Variants in MARF1 observed in about 807,000 individuals in gnomAD.
MARF1 encodes meiosis regulator and mRNA stability factor 1.
A neutral mutation model predicts 168.2 loss-of-function variants in MARF1; 24 were observed. The observed-to-expected ratio is 0.14, with a 90% CI of 0.10 to 0.20. MARF1 has a LOEUF of 0.20. Ranked by LOEUF, MARF1 falls within the 10% of genes least tolerant of loss-of-function variation. The pLI is 1.00. For synonymous variants in MARF1, 868 were observed against 822.4 expected (o/e 1.06, Z -0.95); for missense variants, 1,744 against 2,143.6 (o/e 0.81, Z 3.68).
At chr16:15,604,583 G>C (rs1029517016) in intron 21 of MARF1, among the ~76,000 whole-genome samples, 185 bp from the exon 22 acceptor site, 2 of 152,158 alleles carry the variant, frequency 1.3e-5, no homozygotes, top group African/African-American at 4.8e-5. Context: ...GACCAACATG[G>C]AAGCAGAAAC....
rs1461012523 is a variant in MARF1 at position 15,621,918 on chromosome 16, C to T, written c.2461-7G>A. 2.5e-6 allele frequency: 4 copies of T among 1,610,796 alleles called. No individual in the cohort carries two copies. The African/African-American group carries it at 4.0e-5, about 16-fold the overall frequency. Reference sequence around the variant, plus strand: ...TGAGCTCAACACTCTTCACCTACAACAGGAAAAGCGAAAACTAAACGCTAT... The same window carrying T: ...TGAGCTCAACACTCTTCACCTACAATAGGAAAAGCGAAAACTAAACGCTAT... On this transcript the variant is annotated splice_region_variant and splice_polypyrimidine_tract_variant and intron_variant, in intron 11 of 26. Transcript: ENST00000396368.
At chr16:15,623,176 AGATTTT>A (rs775421819) in intron 10 of MARF1, 53 bp from the exon 11 acceptor site, 3 of 1,369,726 alleles carry the variant, frequency 2.2e-6, no homozygotes, top group Non-Finnish European at 2.9e-6. Flanking sequence ...CTGTATATTT[AGATTTT>A]ATCATTTAGG....
intron 15 of MARF1, 72 bp from the exon 16 acceptor site, chr16:15,616,077 C>T: frequency 1.6e-6 from 2 of 1,270,606 alleles, no homozygotes; most frequent in Admixed American, 5.5e-5. Flanking sequence ...GCTTGCTAAA[C>T]AGAAGGCTTT....
intron 25 of MARF1, among the ~76,000 whole-genome samples, chr16:15,599,717 G>C (rs764633853): frequency 6.6e-6 from 1 of 152,172 alleles, no homozygotes; most frequent in South Asian, 2.1e-4. Context: ...CTACAGAGGT[G>C]GATCTATCTG....
intron 26 of MARF1, among the ~76,000 whole-genome samples, chr16:15,597,569 A>G (rs1391229365): frequency 6.6e-6 from 1 of 152,154 alleles, no homozygotes; most frequent in Non-Finnish European, 1.5e-5. Flanking sequence ...CTTGAAAGAG[A>G]TGCATCATTA....
intron 16 of MARF1, among the ~76,000 whole-genome samples, chr16:15,615,574 G>A (rs1185377000): frequency 3.3e-5 from 5 of 152,042 alleles, no homozygotes; most frequent in Non-Finnish European, 5.9e-5. Flanking sequence ...GCAGTGAGCC[G>A]AGATCGCACC....
At chr16:15,605,324 T>C (rs556689452) in intron 21 of MARF1, among the ~76,000 whole-genome samples, 1 of 152,134 alleles carries the variant, frequency 6.6e-6, no homozygotes, top group Non-Finnish European at 1.5e-5. Context: ...CTTTGGACCG[T>C]GGATTCTGAG....
intron 18 of MARF1, 119 bp downstream of exon 18, chr16:15,611,470 AAAC>A: frequency 1.1e-6 from 1 of 913,112 alleles, no homozygotes; most frequent in Non-Finnish European, 1.6e-6. Flanking sequence ...AAAAAACAAA[AAAC>A]TACTACAAGT....
At chr16:15,631,849 T>C (rs1391380737) in intron 5 of MARF1, among the ~76,000 whole-genome samples, 1 of 152,196 alleles carries the variant, frequency 6.6e-6, no homozygotes, top group African/African-American at 2.4e-5. Flanking sequence ...CATGCACTGT[T>C]TGGTTTTCTG....
intron 20 of MARF1, among the ~76,000 whole-genome samples, chr16:15,609,132 C>T (rs969108679): frequency 1.3e-5 from 2 of 152,040 alleles, no homozygotes; most frequent in Admixed American, 6.6e-5. Context: ...CCCAGCTACT[C>T]GGGAGGTTGA....
chr16:15,623,094 G>C lies in MARF1; in HGVS notation c.2300C>G (p.Ala767Gly), dbSNP rs1048362021. ...TGCAATGTTGAAAGCAAGCGGGGATGCTCTGTTTAAAAGGTTTGGAGACAT... is the reference window on the plus strand; with the variant it reads ...TGCAATGTTGAAAGCAAGCGGGGATCCTCTGTTTAAAAGGTTTGGAGACAT... ...RSMSPNLLNRASPLAFNIANS... is the reference protein window; with the variant it reads ...RSMSPNLLNRGSPLAFNIANS... The change falls in exon 11 of 27, where the codon GCA becomes GGA. Residue 767 changes from alanine to glycine, a missense_variant. Physicochemically the swap from Ala to Gly is moderately conservative, Grantham distance 60. This residue lies in a region of MARF1 where 270 missense variants were observed against 260.6 expected (regional missense o/e 1.04). Transcript: ENST00000396368. The C allele has an allele frequency of 5.0e-6, 8 of 1,605,942 alleles. No homozygotes were observed. The East Asian group carries it at 1.8e-4, about 36-fold the overall frequency.
At chr16:15,621,015 G>A (rs2151183119) in intron 12 of MARF1, among the ~76,000 whole-genome samples, 1 of 152,238 alleles carries the variant, frequency 6.6e-6, no homozygotes, top group East Asian at 1.9e-4. Context: ...CCATAGGCCT[G>A]TGGATGGTTT....
chr16:15,638,104 C>T (rs1260078841), intron 2 of MARF1, among the ~76,000 whole-genome samples: 1 of 152,142 alleles, frequency 6.6e-6, no homozygotes, highest in Non-Finnish European at 1.5e-5. Context: ...ACAGTGGTTG[C>T]AGTGAACCCG....
intron 5 of MARF1, among the ~76,000 whole-genome samples, chr16:15,632,751 A>T (rs1001577148): frequency 2.6e-5 from 4 of 152,206 alleles, no homozygotes; most frequent in African/African-American, 9.7e-5. Flanking sequence ...TTAGACAAGC[A>T]ATATGGACTA....
chr16:15,641,430 T>C (rs915850611), intron 1 of MARF1, among the ~76,000 whole-genome samples: 2 of 152,240 alleles, frequency 1.3e-5, no homozygotes, highest in African/African-American at 4.8e-5. Context: ...ATATTCACAG[T>C]GTTCATAACT....
Position 15,643,115 on chromosome 16 carries a change from C to G in MARF1, c.-156G>C, listed in dbSNP as rs892524443. 1 of 256,408 alleles carries G rather than the reference C, an allele frequency of 3.9e-6. No individual in the cohort carries two copies. Among genetic ancestry groups the G allele is most frequent in the Non-Finnish European group, 7.7e-6 (1 of 130,096 alleles). The allele number at this position is 256,408 out of a possible 1,614,324, so 15.9% of individuals were successfully genotyped here. A position where few individuals can be genotyped will look rare whatever the true frequency, so the allele number is the denominator to read the frequency against. ...TTTTGATTCCCGACTCCGCAGCTCC[C>G]GCCGCCGCCGCCAAGCGCACCCTTC... On this transcript the variant is annotated 5_prime_UTR_variant, in exon 1 of 27. Transcript: ENST00000396368.
rs1371329527 is a variant in MARF1, at chr16:15,617,477, G to A, written c.2779C>T (p.Arg927Cys). ...ACCAGCCGTCCGTTTCCTTGTTCAC[G>A]GATTGCGACCGTGTCTGTTAATTTA... ...LYKLTDTVAIREQGNGRLVCL... is the reference protein window; with the variant it reads ...LYKLTDTVAICEQGNGRLVCL... The change falls in exon 14 of 27, where the codon CGT becomes TGT. Residue 927 changes from arginine (R) to cysteine (C), a missense_variant. Around this residue, in one of 7 missense-constraint regions of MARF1, gnomAD observed 543 missense variants for 742.1 expected, o/e 0.73. Coordinates refer to ENST00000396368, the MANE Select transcript of MARF1 (RefSeq NM_014647.4). 5.0e-6 allele frequency: 8 copies of A among 1,613,762 alleles called. No individual in the cohort carries two copies. The highest frequency in any genetic ancestry group is 6.8e-6 in the Non-Finnish European group (8 of 1,180,026).
Position 15,624,733 on chromosome 16 carries a change from T to C in MARF1, c.2270+36A>G, listed in dbSNP as rs368757930. 154 of 1,590,870 alleles carry C rather than the reference T, an allele frequency of 9.7e-5. 1 individual carries two copies. The highest frequency in any genetic ancestry group is 1.3e-4 in the Non-Finnish European group (152 of 1,165,488). ...CTATTTCATAATCCTTCCTATTACA[T>C]GTAACCACCCCCATGGGTCAAGAAG... is the stretch of plus-strand genomic sequence containing the variant. On this transcript the variant is annotated intron_variant, in intron 10 of 26. Coordinates refer to ENST00000396368, the MANE Select transcript of MARF1 (RefSeq NM_014647.4).
chr16:15,602,386 A>G (rs2032535175), intron 22 of MARF1, 183 bp from the exon 23 acceptor site: 5 of 620,950 alleles, frequency 8.1e-6, no homozygotes, highest in South Asian at 8.0e-5. Flanking sequence ...GAAGAAGGAG[A>G]CGACAAAGAT....
Sources: allele counts gnomAD v4.1 joint callset (sites outside exome capture counted in the v4.1 genomes callset), GRCh38; gene constraint gnomAD v4.1.1; regional missense constraint gnomAD v4.1.1; transcripts MANE v1.5; gene names NCBI Gene and HGNC (gene_info 2026-07-23, HGNC 2026-07-21).